The following EDNRB variants were observed in gnomAD, a reference collection of about 807,000 sequenced individuals.
EDNRB encodes the protein endothelin receptor type B, also known as Hirschsprung disease 2.
In EDNRB, 18 loss-of-function variants were observed where a neutral mutation model predicts 46.4. That is an observed-to-expected ratio of 0.39 (90% CI 0.27 to 0.57). EDNRB has a LOEUF of 0.57. EDNRB is among the 20% of genes least tolerant of loss of function. The probability of loss-of-function intolerance (pLI) is 0.61; values close to 1 mark genes in which losing one functional copy is unlikely to be tolerated. For missense variants in EDNRB, 434 were observed against 537.5 expected (o/e 0.81, Z 1.90); for synonymous variants, 213 against 204.9 (o/e 1.04, Z -0.34).
At chr13:77,900,976 G>C in intron 4 of EDNRB, 82 bp downstream of exon 4, 1 of 1,528,320 alleles carries the variant, frequency 6.5e-7, no homozygotes, top group Non-Finnish European at 9.0e-7. Context: ...AATAATGTTA[G>C]TTTATCATCA....
intron 1 of EDNRB, among the ~76,000 whole-genome samples, chr13:77,958,398 G>A (rs897126254): frequency 2.7e-5 from 4 of 149,588 alleles, no homozygotes; most frequent in Admixed American, 1.3e-4. Context: ...ATTTTGAGAC[G>A]GAGTCTCGCT....
intron 1 of EDNRB, among the ~76,000 whole-genome samples, chr13:77,966,675 A>G (rs1488632233): frequency 6.6e-6 from 1 of 152,228 alleles, no homozygotes; most frequent in African/African-American, 2.4e-5. Flanking sequence ...TCTCCTAAAA[A>G]TAAAATTTGG....
At chr13:77,930,272 T>C (rs528205440) in intron 1 of EDNRB, among the ~76,000 whole-genome samples, 8 of 152,110 alleles carry the variant, frequency 5.3e-5, no homozygotes, top group Non-Finnish European at 1.2e-4. Context: ...TAAAAAATAG[T>C]TTAGTAGACA....
At chr13:77,962,638 T>A (rs1881458549) in intron 1 of EDNRB, among the ~76,000 whole-genome samples, 1 of 152,180 alleles carries the variant, frequency 6.6e-6, no homozygotes, top group South Asian at 2.1e-4. Context: ...ATAAGAGCTA[T>A]TTATGACAAA....
intron 3 of EDNRB, 55 bp downstream of exon 3, chr13:77,903,101 A>G (rs1449945313): frequency 6.3e-7 from 1 of 1,586,184 alleles, no homozygotes; most frequent in East Asian, 2.2e-5. Flanking sequence ...GGGGAAAAAT[A>G]GCTAAATATT....
At position 77,896,736 on chromosome 13, in the gene EDNRB, G is replaced by A. The variant is rs945627962; in HGVS notation, c.*1464C>T. 1.4e-6 allele frequency: 2 copies of A among 1,382,400 alleles called. No individual in the cohort carries two copies. Among genetic ancestry groups the A allele is most frequent in the South Asian group, 1.6e-5 (1 of 61,004 alleles). The allele number at this position is 1,382,400 out of a possible 1,614,324, so 85.6% of individuals were successfully genotyped here. A position where few individuals can be genotyped will look rare whatever the true frequency, so the allele number is the denominator to read the frequency against. ...ATGACGAACGTTAGGCTAAGAATGG[G>A]AATCTGTCCCCATGGGTTTCCTCCA... On this transcript the variant is annotated 3_prime_UTR_variant, in exon 7 of 7. Transcript: ENST00000646607.
intron 1 of EDNRB, among the ~76,000 whole-genome samples, chr13:77,945,876 C>CAAAAAAAAAAAAAAAAAAAA (rs67463440): frequency 1.7e-5 from 2 of 115,592 alleles, no homozygotes; most frequent in East Asian, 2.7e-4. Flanking sequence ...TGCAAAAAAC[C>CAAAAAAAAAAAAAAAAAAAA]AAAAAAAAAA....
chr13:77,963,175 C>A (rs78761937), intron 1 of EDNRB, among the ~76,000 whole-genome samples: 11 of 152,156 alleles, frequency 7.2e-5, no homozygotes, highest in Non-Finnish European at 1.6e-4. Context: ...TAATCAATAT[C>A]GTGAAAATGT....
At chr13:77,900,743 C>CA in intron 4 of EDNRB, 89 bp from the exon 5 acceptor site, 1 of 1,571,266 alleles carries the variant, frequency 6.4e-7, no homozygotes, top group Non-Finnish European at 8.7e-7. Flanking sequence ...ATATTGTCTA[C>CA]AAAAAGTCAG....
At chr13:77,956,498 C>A (rs1881245321) in intron 1 of EDNRB, among the ~76,000 whole-genome samples, 1 of 152,132 alleles carries the variant, frequency 6.6e-6, no homozygotes, top group South Asian at 2.1e-4. Context: ...AATTTGGATG[C>A]TTTTTCTTGC....
chr13:77,963,350 T>C (rs980680696), intron 1 of EDNRB, among the ~76,000 whole-genome samples: 3 of 152,156 alleles, frequency 2.0e-5, no homozygotes, highest in African/African-American at 7.2e-5. Context: ...GGAGGCATTA[T>C]GCTACCTGAC....
At chr13:77,971,540 G>A (rs867178894) in intron 1 of EDNRB, among the ~76,000 whole-genome samples, 1 of 151,554 alleles carries the variant, frequency 6.6e-6, no homozygotes, top group African/African-American at 2.4e-5. Flanking sequence ...GGGTGTAAAG[G>A]GTTTTGTCAG....
intron 1 of EDNRB, among the ~76,000 whole-genome samples, chr13:77,904,444 A>C (rs1471408144): frequency 6.6e-6 from 1 of 151,878 alleles, no homozygotes; most frequent in Non-Finnish European, 1.5e-5. Context: ...ACAGACTATG[A>C]GCTCCACAAC....
intron 1 of EDNRB, among the ~76,000 whole-genome samples, chr13:77,950,362 C>T (rs1881057826): frequency 6.6e-6 from 1 of 152,222 alleles, no homozygotes; most frequent in South Asian, 2.1e-4. Context: ...GGGCTGAGTT[C>T]CTCAGGGAGT....
chr13:77,929,367 A>T (rs1016427363), intron 1 of EDNRB, among the ~76,000 whole-genome samples: 1 of 152,218 alleles, frequency 6.6e-6, no homozygotes, highest in Non-Finnish European at 1.5e-5. Context: ...ATCTATACAT[A>T]TGTGAGAATA....
rs957355843 is a variant in EDNRB at position 77,918,781 on chromosome 13, C to T, written c.-208G>A. The T allele has an allele frequency of 7.5e-7, 1 of 1,325,290 alleles. No homozygotes were observed. The highest frequency in any genetic ancestry group is 9.6e-7 in the Non-Finnish European group (1 of 1,043,476). The allele number at this position is 1,325,290 out of a possible 1,614,324, so 82.1% of individuals were successfully genotyped here. ...AGTGGGAAACTTGGCGCTCATGACT[C>T]GCCAGCGCGGGTCGAAACTCCTTCC... is the stretch of plus-strand genomic sequence containing the variant. On this transcript the variant is annotated 5_prime_UTR_variant, in exon 1 of 7. Coordinates refer to ENST00000646607, the MANE Select transcript of EDNRB (RefSeq NM_001122659.3). This position sits in a 1 kb window ranked among gnomAD's most constrained non-coding sequence, Gnocchi z 4.5.
In EDNRB at chr13:77,918,812, C is replaced by T; in HGVS notation, c.-239G>A. 7.7e-7 allele frequency: 1 copy of T among 1,305,674 alleles called. No individual in the cohort carries two copies. The highest frequency in any genetic ancestry group is 9.7e-7 in the Non-Finnish European group (1 of 1,031,778). 80.9% of individuals were successfully genotyped at this position (1,305,674 alleles called of 1,614,324 possible). The stretch of plus-strand genomic sequence containing the variant: ...CGCGGGTCGAAACTCCTTCCTGATG[C>T]CCTCTCAGCTGTTTTTCTTCCCCCG... On this transcript the variant is annotated 5_prime_UTR_variant, in exon 1 of 7. Transcript: ENST00000646607. This position sits in a 1 kb window ranked among gnomAD's most constrained non-coding sequence, Gnocchi z 4.5.
At chr13:77,964,989 T>A (rs1460892611) in intron 1 of EDNRB, among the ~76,000 whole-genome samples, 1 of 152,124 alleles carries the variant, frequency 6.6e-6, no homozygotes, top group African/African-American at 2.4e-5. Context: ...ACCATATACA[T>A]AAGTAAGTAC....
At chr13:77,919,476 C>A (rs1183332009), upstream of EDNRB, 7 of 1,612,700 alleles carry the variant, frequency 4.3e-6, no homozygotes, top group African/African-American at 1.3e-5. Flanking sequence ...TGGGTTCCAG[C>A]CTGCTCTGGG....
Sources: gnomAD v4.1 joint callset for allele counts (sites outside exome capture counted in the v4.1 genomes callset) on GRCh38, gnomAD v4.1.1 for gene constraint, Gnocchi (gnomAD v3.1) non-coding constraint, MANE v1.5 for transcripts, NCBI Gene and HGNC (gene_info 2026-07-23, HGNC 2026-07-21) for gene names.